ATP6V0D1: variants seen among roughly 807,000 people sequenced by gnomAD.
ATP6V0D1 encodes the protein ATPase H+ transporting V0 subunit d1.
ATP6V0D1 carries 13 observed loss-of-function variants against 39.0 expected under a neutral mutation model. The ratio of observed to expected loss-of-function variants is 0.33; its 90% CI spans 0.22 to 0.53. The LOEUF (loss-of-function observed/expected upper bound fraction) is 0.53, where lower values mean the gene tolerates loss of function less well. ATP6V0D1 is among the 20% of genes least tolerant of loss of function. ATP6V0D1 has a pLI of 0.94. For missense variants in ATP6V0D1, 272 were observed against 470.9 expected (o/e 0.58, Z 3.91); for synonymous variants, 191 against 191.2 (o/e 1.00, Z 0.01).
chr16:67,449,227 T>C (rs2041150741), intron 2 of ATP6V0D1, among the ~76,000 whole-genome samples: 1 of 152,222 alleles, frequency 6.6e-6, no homozygotes, highest in South Asian at 2.1e-4. Flanking sequence ...GCTCTGCCAA[T>C]GGGCACCTGG....
At chr16:67,459,221 G>T in intron 1 of ATP6V0D1, 1 of 985,486 alleles carries the variant, frequency 1.0e-6, no homozygotes, top group Non-Finnish European at 1.2e-6. Context: ...TTGAAGTGCA[G>T]GAAATAGTGC....
intron 2 of ATP6V0D1, chr16:67,445,913 G>T (rs1487012232): frequency 4.4e-6 from 2 of 455,896 alleles, no homozygotes; most frequent in Non-Finnish European, 8.8e-6. Flanking sequence ...CTCAGGGTAT[G>T]AGGGAGCTAA....
At chr16:67,479,323 C>T (rs1369087807) in intron 1 of ATP6V0D1, among the ~76,000 whole-genome samples, 1 of 151,128 alleles carries the variant, frequency 6.6e-6, no homozygotes, top group Non-Finnish European at 1.5e-5. Context: ...AAGCAATTCT[C>T]CTGCCTCAGT....
At chr16:67,464,852 C>T (rs1392829010) in intron 1 of ATP6V0D1, among the ~76,000 whole-genome samples, 1 of 152,266 alleles carries the variant, frequency 6.6e-6, no homozygotes, top group Non-Finnish European at 1.5e-5. Context: ...GTGTCCAGCA[C>T]CAGTCAGGGC....
intron 1 of ATP6V0D1, chr16:67,459,357 C>G (rs768305930): frequency 1.5e-5 from 11 of 745,732 alleles, no homozygotes; most frequent in Admixed American, 6.3e-5. Flanking sequence ...GTGTCAAGGA[C>G]CATTGCCCTG....
Position 67,453,728 on chromosome 16 carries a change from G to A in ATP6V0D1, c.131-13C>T. ...TGCAGTTTCAAGTCTGAAACCCAAGGGTAGGGGGTAAGGGCTAGCCTTGCT... is the reference window on the plus strand; with the variant it reads ...TGCAGTTTCAAGTCTGAAACCCAAGAGTAGGGGGTAAGGGCTAGCCTTGCT... On this transcript the variant is annotated splice_polypyrimidine_tract_variant and intron_variant, in intron 1 of 7. Transcript: ENST00000290949. The surrounding 1 kb of genome is among the most constrained non-coding windows in gnomAD (Gnocchi z 4.1). 6.2e-7 allele frequency: 1 copy of A among 1,612,978 alleles called. No homozygotes were observed. The highest frequency in any genetic ancestry group is 8.5e-7 in the Non-Finnish European group (1 of 1,179,706).
intron 2 of ATP6V0D1, among the ~76,000 whole-genome samples, chr16:67,451,205 G>A (rs2041176117): frequency 6.6e-6 from 1 of 152,180 alleles, no homozygotes; most frequent in Admixed American, 6.5e-5. Context: ...GGTAGGGGGA[G>A]AGCGGCTCCA....
At chr16:67,442,651 C>T (rs373566993) in intron 4 of ATP6V0D1, among the ~76,000 whole-genome samples, 119 of 152,078 alleles carry the variant, frequency 7.8e-4, no homozygotes, top group South Asian at 3.5e-3. Context: ...TGGGAACCTA[C>T]GAGGGACATG....
intron 4 of ATP6V0D1, chr16:67,440,573 G>T (rs1020829855): frequency 6.6e-6 from 1 of 152,258 alleles, no homozygotes; most frequent in African/African-American, 2.4e-5. Flanking sequence ...GGGTTGGATG[G>T]CATGGAAAGC....
intron 1 of ATP6V0D1, among the ~76,000 whole-genome samples, chr16:67,471,466 A>G (rs1227696833): frequency 6.6e-6 from 1 of 152,182 alleles, no homozygotes; most frequent in East Asian, 1.9e-4. Flanking sequence ...CTGGGATTAC[A>G]GGCATGAGCC....
chr16:67,459,737 A>G (rs931901978), intron 1 of ATP6V0D1, among the ~76,000 whole-genome samples: 3 of 152,214 alleles, frequency 2.0e-5, no homozygotes, highest in African/African-American at 7.2e-5. Flanking sequence ...CAGATGGCAC[A>G]CGGCTTTTTC....
Position 67,438,317 on chromosome 16 carries a change from G to T in ATP6V0D1, c.*211C>A. ...TGGAGGGGGTCTTCGTCCATCCTTG[G>T]TGGGGGGGGGTGCCCAGCCCCTTTT... On this transcript the variant is annotated 3_prime_UTR_variant, in exon 8 of 8. Coordinates refer to ENST00000290949, the MANE Select transcript of ATP6V0D1 (RefSeq NM_004691.5). 1.6e-6 allele frequency: 1 copy of T among 619,076 alleles called. No homozygotes were observed. The highest frequency in any genetic ancestry group is 2.8e-6 in the Non-Finnish European group (1 of 360,650). 38.3% of individuals were successfully genotyped at this position (619,076 alleles called of 1,614,324 possible).
chr16:67,474,710 C>T (rs969151551), intron 1 of ATP6V0D1, among the ~76,000 whole-genome samples: 2 of 152,156 alleles, frequency 1.3e-5, no homozygotes, highest in Non-Finnish European at 2.9e-5. Flanking sequence ...TCTTGGGGAC[C>T]GTGGACACAC....
In ATP6V0D1 at chr16:67,453,512, T is replaced by A. The variant is rs765265586; in HGVS notation, c.302+32A>T. On this transcript the variant is annotated intron_variant, in intron 2 of 7. Coordinates refer to ENST00000290949, the MANE Select transcript of ATP6V0D1 (RefSeq NM_004691.5). The surrounding 1 kb of genome is among the most constrained non-coding windows in gnomAD (Gnocchi z 4.1). ...TGCAGGTGTAGCTATCCTGCCCAGG[T>A]AAGAGAAGAAGGCGCTACAAAGCAC... 6.2e-7 allele frequency: 1 copy of A among 1,610,802 alleles called. No individual in the cohort carries two copies. The highest frequency in any genetic ancestry group is 8.5e-7 in the Non-Finnish European group (1 of 1,177,720).
chr16:67,438,853 G>C lies in ATP6V0D1; in HGVS notation c.834C>G (p.Phe278Leu), dbSNP rs148076758. The C allele has an allele frequency of 6.2e-6, 10 of 1,611,370 alleles. No individual in the cohort carries two copies. Among genetic ancestry groups the C allele is most frequent in the African/African-American group, 1.3e-5 (1 of 74,520 alleles). Residue 278 changes from phenylalanine to leucine, a missense_variant, in exon 7 of 8, where the codon TTC becomes TTG. Transcript: ENST00000290949. Reference sequence around the variant, plus strand: ...CTCCAGGGTTGCTACCTGCACCCTCGAAGAGCAGCTTGTACTCCTGGCCAG... The same window carrying C: ...CTCCAGGGTTGCTACCTGCACCCTCCAAGAGCAGCTTGTACTCCTGGCCAG... ...ADYYPEYKLLFEGAGSNPGDK... is the reference protein window; with the variant it reads ...ADYYPEYKLLLEGAGSNPGDK...
intron 2 of ATP6V0D1, chr16:67,446,067 G>A: frequency 2.4e-6 from 1 of 408,850 alleles, no homozygotes; most frequent in South Asian, 1.7e-5. Flanking sequence ...CCCCTGCCCT[G>A]TGACAGGACC....
At chr16:67,471,251 G>A (rs1043797299) in intron 1 of ATP6V0D1, among the ~76,000 whole-genome samples, 2 of 152,236 alleles carry the variant, frequency 1.3e-5, no homozygotes, top group East Asian at 1.9e-4. Flanking sequence ...CAGTGGGGGT[G>A]ACCCTGGCTC....
chr16:67,470,292 C>T (rs2041362486), intron 1 of ATP6V0D1, among the ~76,000 whole-genome samples: 1 of 152,142 alleles, frequency 6.6e-6, no homozygotes, highest in Non-Finnish European at 1.5e-5. Flanking sequence ...GAGTCTACAC[C>T]AAGTCATCCT....
In ATP6V0D1 at chr16:67,463,205, C is replaced by T. The variant is rs116651914; in HGVS notation, c.131-9490G>A. On this transcript the variant is annotated intron_variant, in intron 1 of 7. Transcript: ENST00000290949. ...CTGGGGCTGTGAGCTCATGCACTGT[C>T]AGCATAAAGTCCCATTCCCTGCGGC... Among the ~76,000 whole-genome samples the T allele has an allele frequency of 1.5e-3, 230 of 152,300 alleles. 1 individual carries two copies. The highest frequency in any genetic ancestry group is 5.4e-3 in the African/African-American group (225 of 41,572).
Sources: allele counts gnomAD v4.1 joint callset (sites outside exome capture counted in the v4.1 genomes callset), GRCh38; gene constraint gnomAD v4.1.1; non-coding constraint Gnocchi (gnomAD v3.1); transcripts MANE v1.5; gene names NCBI Gene and HGNC (gene_info 2026-07-23, HGNC 2026-07-21).